The following AKAP6 variants were observed in gnomAD, a reference collection of about 807,000 sequenced individuals.
AKAP6 encodes A-kinase anchoring protein 6, also known as A-kinase anchor protein 6.
Under a neutral mutation model 188.5 loss-of-function variants are expected in AKAP6, and 58 were observed. The observed-to-expected ratio is 0.31, with a 90% CI of 0.25 to 0.38. AKAP6 has a LOEUF of 0.38. AKAP6 is among the 10% of genes least tolerant of loss of function. The probability of loss-of-function intolerance (pLI) is 1.00; values close to 1 mark genes in which losing one functional copy is unlikely to be tolerated. For synonymous variants in AKAP6, 989 were observed against 998.6 expected (o/e 0.99, Z 0.18); for missense variants, 2,710 against 2,740.0 (o/e 0.99, Z 0.24).
At chr14:32,719,162 CAA>C in intron 9 of AKAP6, among the ~76,000 whole-genome samples, 1 of 150,416 alleles carries the variant, frequency 6.6e-6, no homozygotes, top group East Asian at 1.9e-4. Context: ...AATACTCTGC[CAA>C]AAAAAAAGTC....
At chr14:32,419,439 A>G (rs1022182135) in intron 1 of AKAP6, among the ~76,000 whole-genome samples, 6 of 152,214 alleles carry the variant, frequency 3.9e-5, no homozygotes, top group Non-Finnish European at 8.8e-5. Flanking sequence ...TTATGAAAGA[A>G]CAGCAGTGTG....
At chr14:32,694,930 C>T (rs745522526) in intron 8 of AKAP6, among the ~76,000 whole-genome samples, 10 of 152,114 alleles carry the variant, frequency 6.6e-5, no homozygotes, top group Non-Finnish European at 1.0e-4. Context: ...GGGTTTTGCT[C>T]AGTTACAATT....
chr14:32,710,451 A>G (rs1890999380), intron 9 of AKAP6, among the ~76,000 whole-genome samples: 1 of 152,054 alleles, frequency 6.6e-6, no homozygotes, highest in South Asian at 2.1e-4. Flanking sequence ...TTTAAACATA[A>G]AAGAAGTGAT....
At chr14:32,595,013 CAG>C (rs954862055) in intron 5 of AKAP6, among the ~76,000 whole-genome samples, 9 of 152,132 alleles carry the variant, frequency 5.9e-5, no homozygotes, top group Admixed American at 5.2e-4. Flanking sequence ...CTTAAAAAGA[CAG>C]AAGATTTTCT....
At chr14:32,772,371 G>A (rs185497781) in intron 11 of AKAP6, among the ~76,000 whole-genome samples, 39 of 152,114 alleles carry the variant, frequency 2.6e-4, no homozygotes, top group African/African-American at 6.5e-4. Flanking sequence ...AAACTGCTGC[G>A]CTGGTATAAA....
intron 13 of AKAP6, 61 bp downstream of exon 13, chr14:32,824,876 A>T (rs1226551509): frequency 6.8e-5 from 94 of 1,377,602 alleles, no homozygotes; most frequent in Non-Finnish European, 3.9e-6. Context: ...CAGCAAAACC[A>T]TGGCAGGAGA....
At chr14:32,586,626 C>T (rs143415792) in intron 5 of AKAP6, among the ~76,000 whole-genome samples, 22 of 152,198 alleles carry the variant, frequency 1.4e-4, no homozygotes, top group Non-Finnish European at 2.6e-4. Flanking sequence ...GGGAGACTGT[C>T]TCAAAAAACA....
intron 2 of AKAP6, among the ~76,000 whole-genome samples, chr14:32,483,939 CCT>C (rs984061340): frequency 1.7e-4 from 26 of 151,772 alleles, no homozygotes; most frequent in Admixed American, 9.9e-4. Context: ...CCCCCCATCC[CCT>C]GACAGACCCT....
intron 12 of AKAP6, among the ~76,000 whole-genome samples, chr14:32,791,599 T>C (rs1019196490): frequency 2.6e-5 from 4 of 152,234 alleles, no homozygotes; most frequent in African/African-American, 9.6e-5. Context: ...TAGTTTCTTT[T>C]GCTGTGCAGA....
At chr14:32,489,011 T>TA (rs747330714) in intron 2 of AKAP6, among the ~76,000 whole-genome samples, 25 of 152,348 alleles carry the variant, frequency 1.6e-4, no homozygotes, top group Non-Finnish European at 3.4e-4. Context: ...ATTTTTCCAT[T>TA]AAAATTTTGT....
chr14:32,407,459 A>G (rs1889333682), intron 1 of AKAP6, among the ~76,000 whole-genome samples: 1 of 152,176 alleles, frequency 6.6e-6, no homozygotes, highest in African/African-American at 2.4e-5. Context: ...CCACAGAGCA[A>G]TGAGTGTGAG....
At chr14:32,576,122 C>G (rs999068503) in intron 4 of AKAP6, among the ~76,000 whole-genome samples, 3 of 152,136 alleles carry the variant, frequency 2.0e-5, no homozygotes, top group Admixed American at 2.0e-4. Flanking sequence ...TTACCTCTTT[C>G]CACTTCAGTG....
chr14:32,578,714 A>G (rs1472153523), intron 5 of AKAP6, among the ~76,000 whole-genome samples: 1 of 152,148 alleles, frequency 6.6e-6, no homozygotes, highest in African/African-American at 2.4e-5. Flanking sequence ...TTTATGGAAA[A>G]CACACATTTA....
At chr14:32,624,691 AG>A (rs774044419) in intron 7 of AKAP6, among the ~76,000 whole-genome samples, 3 of 152,164 alleles carry the variant, frequency 2.0e-5, no homozygotes, top group African/African-American at 4.8e-5. Flanking sequence ...TAGAGTGCTA[AG>A]TAAGACAAAC....
chr14:32,417,228 T>G (rs1461992565), intron 1 of AKAP6, among the ~76,000 whole-genome samples: 1 of 152,226 alleles, frequency 6.6e-6, no homozygotes, highest in African/African-American at 2.4e-5. Context: ...AAGAGAAATA[T>G]TCTAAATCTT....
intron 2 of AKAP6, among the ~76,000 whole-genome samples, chr14:32,472,771 G>A (rs1025815321): frequency 6.6e-6 from 1 of 152,082 alleles, no homozygotes; most frequent in Non-Finnish European, 1.5e-5. Context: ...GAAGAAAATC[G>A]GTCTGGTCTG....
intron 12 of AKAP6, among the ~76,000 whole-genome samples, chr14:32,805,281 T>G (rs960964249): frequency 6.6e-6 from 1 of 152,224 alleles, no homozygotes; most frequent in African/African-American, 2.4e-5. Flanking sequence ...CTTAAACTAT[T>G]CCTTCATCTT....
intron 11 of AKAP6, among the ~76,000 whole-genome samples, chr14:32,750,909 G>A (rs1279035526): frequency 1.3e-5 from 2 of 151,092 alleles, no homozygotes; most frequent in East Asian, 2.0e-4. Context: ...TAATTTTTTT[G>A]TATTTTTAGT....
Position 32,821,933 on chromosome 14 carries a change from A to G in AKAP6, c.4120A>G (p.Thr1374Ala), listed in dbSNP as rs771201346. 11 of 1,613,808 alleles carry G rather than the reference A, an allele frequency of 6.8e-6. No individual in the cohort carries two copies. The Admixed American group carries it at 1.8e-4, about 27-fold the overall frequency. ...AATTGTCAGTGAAGGAGACACAGAA[A>G]CCACTACCAACTCTGAAATGTGCTT... ...SGIVSEGDTE[T>A]TTNSEMCLLN... Residue 1374 changes from threonine to alanine, a missense_variant, in exon 13 of 14, where the codon ACC becomes GCC. Physicochemically the swap from Thr to Ala is moderately conservative, Grantham distance 58. Coordinates refer to ENST00000280979, the MANE Select transcript of AKAP6 (RefSeq NM_004274.5).
Sources: allele counts gnomAD v4.1 joint callset (sites outside exome capture counted in the v4.1 genomes callset), GRCh38; gene constraint gnomAD v4.1.1; transcripts MANE v1.5; gene names NCBI Gene and HGNC (gene_info 2026-07-23, HGNC 2026-07-21).